The following GABRG3 variants were observed in gnomAD, a reference collection of about 807,000 sequenced individuals.
GABRG3 encodes the protein gamma-aminobutyric acid receptor subunit gamma-3.
Under a neutral mutation model 48.8 loss-of-function variants are expected in GABRG3, and 25 were observed. That is an observed-to-expected ratio of 0.51 (90% CI 0.37 to 0.72). GABRG3 has a LOEUF of 0.72. Ranked by LOEUF, GABRG3 falls within the 30% of genes least tolerant of loss-of-function variation. The pLI is 0.00. For synonymous variants in GABRG3, 227 were observed against 217.6 expected (o/e 1.04, Z -0.38); for missense variants, 394 against 577.9 (o/e 0.68, Z 3.26).
intron 2 of GABRG3, among the ~76,000 whole-genome samples, chr15:27,001,903 T>TTTTTTTTTTTTTTTTTTTTTTTG (rs1895456001): frequency 6.6e-6 from 1 of 151,240 alleles, no homozygotes; most frequent in Non-Finnish European, 1.5e-5. Context: ...TTTTTTTTTT[T>TTTTTTTTTTTTTTTTTTTTTTTG]AAGATATGGT....
chr15:27,038,111 T>C (rs914721754), intron 3 of GABRG3, among the ~76,000 whole-genome samples: 2 of 152,130 alleles, frequency 1.3e-5, no homozygotes, highest in African/African-American at 4.8e-5. Context: ...AACAGCCCCA[T>C]CTCAGTCCGG....
chr15:27,339,964 G>A (rs1894111270), intron 5 of GABRG3, among the ~76,000 whole-genome samples: 1 of 152,078 alleles, frequency 6.6e-6, no homozygotes, highest in Non-Finnish European at 1.5e-5. Context: ...AGGAGGCGTT[G>A]GGGCAGGAAG....
At position 27,538,150 on chromosome 15, in the gene GABRG3, C is replaced by T. The variant is rs1413999556; in HGVS notation, c.*5269C>T. The T allele has an allele frequency of 6.6e-6, 1 of 152,208 alleles. No individual in the cohort carries two copies. The highest frequency in any genetic ancestry group is 1.5e-5 in the Non-Finnish European group (1 of 68,026). 9.4% of individuals were successfully genotyped at this position (152,208 alleles called of 1,614,324 possible). ...AGCCACCGCGCCCAACCTGTATTTA[C>T]TTTTTTAATGCCACCTAGCTGAATA... On this transcript the variant is annotated 3_prime_UTR_variant, in exon 10 of 10. Transcript: ENST00000615808.
At chr15:27,274,228 G>A (rs772516248) in intron 3 of GABRG3, among the ~76,000 whole-genome samples, 2 of 152,212 alleles carry the variant, frequency 1.3e-5, no homozygotes, top group African/African-American at 4.8e-5. Context: ...TTGTCCTGCT[G>A]CTGAGCTACC....
intron 3 of GABRG3, among the ~76,000 whole-genome samples, chr15:27,235,788 A>G (rs9920444): frequency 0.014 from 2,191 of 152,250 alleles, 48 homozygotes; most frequent in African/African-American, 0.051. Context: ...CTCTGAAACA[A>G]AGAACATTGT....
At chr15:27,330,200 A>G (rs1001941494) in intron 5 of GABRG3, among the ~76,000 whole-genome samples, 3 of 152,200 alleles carry the variant, frequency 2.0e-5, no homozygotes, top group Non-Finnish European at 4.4e-5. Context: ...AGATCGCACC[A>G]CTGCACTCCA....
chr15:27,308,964 C>T (rs565098851), intron 3 of GABRG3, among the ~76,000 whole-genome samples: 51 of 149,434 alleles, frequency 3.4e-4, no homozygotes, highest in African/African-American at 1.1e-3. Flanking sequence ...TATATGAAAA[C>T]ACATAATGTA....
intron 3 of GABRG3, among the ~76,000 whole-genome samples, chr15:27,257,915 C>T (rs1198166372): frequency 1.3e-5 from 1 of 76,814 alleles, no homozygotes; most frequent in East Asian, 2.2e-4. Context: ...CTCTGCCTCT[C>T]AAAGTGTTAT....
intron 7 of GABRG3, among the ~76,000 whole-genome samples, chr15:27,521,732 A>G (rs558641279): frequency 6.6e-6 from 1 of 152,072 alleles, no homozygotes; most frequent in Admixed American, 6.5e-5. Flanking sequence ...TTCACTAACT[A>G]GACTTAAGAG....
chr15:27,528,295 T>G (rs1891330915), intron 9 of GABRG3, among the ~76,000 whole-genome samples: 1 of 152,376 alleles, frequency 6.6e-6, no homozygotes, highest in South Asian at 2.1e-4. Context: ...AATTATGATC[T>G]TTATATTGTT....
At chr15:27,512,409 G>C (rs1294949178) in intron 6 of GABRG3, among the ~76,000 whole-genome samples, 1 of 152,116 alleles carries the variant, frequency 6.6e-6, no homozygotes, top group Non-Finnish European at 1.5e-5. Context: ...AGGACAGAGT[G>C]AATGTTTGTT....
chr15:26,999,635 A>C (rs2140654812), intron 2 of GABRG3, among the ~76,000 whole-genome samples: 1 of 152,206 alleles, frequency 6.6e-6, no homozygotes, highest in African/African-American at 2.4e-5. Context: ...TGAGCTACTT[A>C]GATTTTTGGC....
chr15:27,247,973 G>A (rs1474817877), intron 3 of GABRG3, among the ~76,000 whole-genome samples: 5 of 152,276 alleles, frequency 3.3e-5, no homozygotes, highest in South Asian at 2.1e-4. Flanking sequence ...AAACCATAAC[G>A]CATGACTACA....
Position 27,188,042 on chromosome 15 carries a change from A to G in GABRG3, c.271-138767A>G, listed in dbSNP as rs527709624. Among the ~76,000 whole-genome samples, 352 of 152,084 alleles carry G rather than the reference A, an allele frequency of 2.3e-3. 1 individual carries two copies. The highest frequency in any genetic ancestry group is 3.7e-3 in the Admixed American group (57 of 15,280). On this transcript the variant is annotated intron_variant, in intron 3 of 9. Transcript: ENST00000615808. ...GATTTCCAATTTCATCCATGTCCCT[A>G]CAAAGGACCTGAACTCATCATTTTT...
At chr15:27,344,242 T>G (rs1332023935) in intron 5 of GABRG3, among the ~76,000 whole-genome samples, 1 of 152,226 alleles carries the variant, frequency 6.6e-6, no homozygotes, top group Non-Finnish European at 1.5e-5. Flanking sequence ...ATATATGGGG[T>G]ATCAGAGACA....
chr15:27,397,720 C>T (rs56275635), intron 5 of GABRG3, among the ~76,000 whole-genome samples: 8,750 of 151,984 alleles, frequency 0.058, 350 homozygotes, highest in South Asian at 0.2. Context: ...AGAGGATTTT[C>T]GTGTGCAGGT....
At chr15:27,101,484 A>G (rs1897355925) in intron 3 of GABRG3, among the ~76,000 whole-genome samples, 1 of 152,226 alleles carries the variant, frequency 6.6e-6, no homozygotes, top group Admixed American at 6.5e-5. Context: ...TAGCTGAAAT[A>G]GTTTTGAAAA....
At position 27,417,810 on chromosome 15, in the gene GABRG3, T is replaced by A. The variant is rs568890227; in HGVS notation, c.575-62840T>A. 2.0e-5 allele frequency among the ~76,000 whole-genome samples: 3 copies of A among 152,348 alleles called. No individual in the cohort carries two copies. In the South Asian group the frequency reaches 6.2e-4, roughly 32 times the overall value. ...AGATCTGCCAGGTGCCTGTCACTGATATGCGGTAGCTGGTGGCTTGGTGCA... is the reference window on the plus strand; with the variant it reads ...AGATCTGCCAGGTGCCTGTCACTGAAATGCGGTAGCTGGTGGCTTGGTGCA... On this transcript the variant is annotated intron_variant, in intron 5 of 9. Transcript: ENST00000615808.
At chr15:27,018,422 T>C (rs1196778230) in intron 2 of GABRG3, among the ~76,000 whole-genome samples, 1 of 152,226 alleles carries the variant, frequency 6.6e-6, no homozygotes, top group Non-Finnish European at 1.5e-5. Flanking sequence ...TAGTATATTT[T>C]ATATGAATGT....
Sources: gnomAD v4.1 joint callset for allele counts (sites outside exome capture counted in the v4.1 genomes callset) on GRCh38, gnomAD v4.1.1 for gene constraint, MANE v1.5 for transcripts, NCBI Gene and HGNC (gene_info 2026-07-23, HGNC 2026-07-21) for gene names.